The following RBM19 variants were observed in gnomAD, a reference collection of about 807,000 sequenced individuals.
The protein encoded by RBM19 is probable RNA-binding protein 19.
In RBM19, 94 loss-of-function variants were observed where a neutral mutation model predicts 116.8. The observed-to-expected ratio is 0.80, with a 90% CI of 0.68 to 0.95. The LOEUF (loss-of-function observed/expected upper bound fraction) is 0.95, where lower values mean the gene tolerates loss of function less well. RBM19 is among the 40% of genes least tolerant of loss of function. The pLI, the probability that RBM19 is intolerant of heterozygous loss-of-function variation, is 0.00. For synonymous variants in RBM19, 475 were observed against 494.1 expected, an observed-to-expected ratio of 0.96 and a Z score of 0.51; for missense variants, 1,161 against 1,220.7, an observed-to-expected ratio of 0.95 and a Z score of 0.73.
chr12:113,907,846 G>A (rs1261151167), intron 21 of RBM19, among the ~76,000 whole-genome samples: 1 of 152,198 alleles, frequency 6.6e-6, no homozygotes, highest in Non-Finnish European at 1.5e-5. Context: ...AAGGTAGGAT[G>A]AGGTCATATG....
intron 21 of RBM19, among the ~76,000 whole-genome samples, chr12:113,872,083 C>A (rs1166491032): frequency 6.9e-6 from 1 of 145,600 alleles, no homozygotes; most frequent in Non-Finnish European, 1.5e-5. Context: ...AAGTGAGGAG[C>A]GCCTCTTCCC....
intron 23 of RBM19, among the ~76,000 whole-genome samples, chr12:113,836,823 CAT>C (rs201139433): frequency 3.3e-4 from 46 of 139,072 alleles, no homozygotes; most frequent in African/African-American, 1.1e-3. Flanking sequence ...TTACTACATA[CAT>C]ACACACACAC....
chr12:113,958,599 C>A (rs1017589937), intron 5 of RBM19, among the ~76,000 whole-genome samples: 2 of 152,152 alleles, frequency 1.3e-5, no homozygotes, highest in Non-Finnish European at 2.9e-5. Flanking sequence ...CTGAGTTCCT[C>A]GGATGTGAAC....
chr12:113,836,749 G>C (rs543333545), intron 23 of RBM19, among the ~76,000 whole-genome samples: 1 of 152,108 alleles, frequency 6.6e-6, no homozygotes, highest in South Asian at 2.1e-4. Flanking sequence ...GGTGGCATCT[G>C]TGGCCAGATA....
intron 23 of RBM19, among the ~76,000 whole-genome samples, chr12:113,836,179 C>T (rs375171317): frequency 2.0e-4 from 31 of 152,190 alleles, no homozygotes; most frequent in South Asian, 4.1e-4. Context: ...GGGGCTGCTG[C>T]GCTGGAGATG....
intron 21 of RBM19, among the ~76,000 whole-genome samples, chr12:113,885,181 T>A (rs959920159): frequency 6.6e-6 from 1 of 152,204 alleles, no homozygotes; most frequent in African/African-American, 2.4e-5. Flanking sequence ...GGACAAATAG[T>A]AAGTTAGTGG....
At chr12:113,846,606 C>A (rs1424954033) in intron 22 of RBM19, among the ~76,000 whole-genome samples, 1 of 152,174 alleles carries the variant, frequency 6.6e-6, no homozygotes, top group East Asian at 1.9e-4. Flanking sequence ...CAACTGTCCC[C>A]AGCAGCCAGG....
chr12:113,962,081 G>T, intron 2 of RBM19, 151 bp downstream of exon 2: 2 of 934,662 alleles, frequency 2.1e-6, no homozygotes, highest in Non-Finnish European at 1.6e-6. Context: ...CAGGTGATTT[G>T]TATGCACATG....
At chr12:113,878,894 CTATG>C (rs1879875128) in intron 21 of RBM19, among the ~76,000 whole-genome samples, 1 of 150,054 alleles carries the variant, frequency 6.7e-6, no homozygotes, top group South Asian at 2.1e-4. Flanking sequence ...ACGTATGTGT[CTATG>C]TATGTGTATC....
intron 21 of RBM19, among the ~76,000 whole-genome samples, chr12:113,859,396 C>T (rs911158939): frequency 1.4e-4 from 21 of 152,214 alleles, no homozygotes; most frequent in Admixed American, 1.4e-3. Flanking sequence ...TGGGATGGGG[C>T]CCTTTCTCCT....
At chr12:113,955,107 C>A (rs751256820) in intron 7 of RBM19, 24 bp downstream of exon 7, 4 of 1,612,452 alleles carry the variant, frequency 2.5e-6, no homozygotes, top group East Asian at 4.5e-5. Context: ...AGGCTGCCGA[C>A]CCTTGTCCTC....
intron 16 of RBM19, among the ~76,000 whole-genome samples, chr12:113,935,443 T>C (rs768835910): frequency 1.3e-5 from 2 of 151,978 alleles, no homozygotes; most frequent in Non-Finnish European, 2.9e-5. Context: ...CAGGCACAGG[T>C]TTTGAAGGAG....
chr12:113,941,071 A>T (rs1383240716), intron 14 of RBM19, among the ~76,000 whole-genome samples: 1 of 152,248 alleles, frequency 6.6e-6, no homozygotes, highest in Non-Finnish European at 1.5e-5. Flanking sequence ...CTATCTGGGA[A>T]TAAGTCTTAG....
intron 14 of RBM19, 110 bp from the exon 15 acceptor site, chr12:113,940,270 C>T: frequency 4.3e-6 from 5 of 1,160,850 alleles, no homozygotes; most frequent in Admixed American, 2.2e-5. Context: ...TTTGGAACCT[C>T]AGCAACCAGG....
chr12:113,854,041 G>A (rs1218678739), intron 22 of RBM19, among the ~76,000 whole-genome samples: 1 of 152,108 alleles, frequency 6.6e-6, no homozygotes, highest in African/African-American at 2.4e-5. Flanking sequence ...GAATTTAAGT[G>A]AATCAGTGAA....
rs1196056115 is a variant in RBM19, at chr12:113,948,929, C to T, written c.1180G>A (p.Glu394Lys). 2 of 1,614,118 alleles carry T rather than the reference C, an allele frequency of 1.2e-6. No individual in the cohort carries two copies. The highest frequency in any genetic ancestry group is 2.7e-5 in the African/African-American group (2 of 74,948). The change falls in exon 10 of 24, where the codon GAG (glutamate) becomes AAG (lysine). Residue 394 changes from glutamate (E) to lysine (K), a missense_variant. Physicochemically the swap from Glu to Lys is moderately conservative, Grantham distance 56. Transcript: ENST00000261741. ...CCGGATTCGGCCAGGTCCTCCTCCTCTTCGTTCTCCCCGAGTATCCGGCCT... is the reference window on the plus strand; with the variant it reads ...CCGGATTCGGCCAGGTCCTCCTCCTTTTCGTTCTCCCCGAGTATCCGGCCT... ...WQGRILGENE[E>K]EEDLAESGRL...
At chr12:113,941,600 TCCATCCATCCAA>T (rs1338165386) in intron 14 of RBM19, among the ~76,000 whole-genome samples, 1 of 139,182 alleles carries the variant, frequency 7.2e-6, no homozygotes. Context: ...CATCCATCCA[TCCATCCATCCAA>T]CCATCAAGCC....
In RBM19 at chr12:113,942,358, A is replaced by G. The variant is rs753576319; in HGVS notation, c.1703T>C (p.Ile568Thr). The change falls in exon 14 of 24, where the codon ATA (isoleucine) becomes ACA (threonine). Residue 568 changes from isoleucine (I) to threonine (T), a missense_variant. Physicochemically the swap from Ile to Thr is moderately conservative, Grantham distance 89. Transcript: ENST00000261741. The part of the protein sequence containing the change: ...QLVQEVRRFL[I>T]DNGVSLDSFS... ...GGAATCCAGGCTGACCCCGTTGTCT[A>G]TGAGAAAACGCCGCACTTCCTGGAC... 4 of 1,607,942 alleles carry G rather than the reference A, an allele frequency of 2.5e-6. No individual in the cohort carries two copies. The highest frequency in any genetic ancestry group is 3.4e-6 in the Non-Finnish European group (4 of 1,179,808).
chr12:113,830,733 A>G (rs955735471), intron 23 of RBM19, among the ~76,000 whole-genome samples: 1 of 152,146 alleles, frequency 6.6e-6, no homozygotes, highest in African/African-American at 2.4e-5. Flanking sequence ...AAGAACCAGG[A>G]AAGGTGGGAA....
Sources: allele counts gnomAD v4.1 joint callset (sites outside exome capture counted in the v4.1 genomes callset), GRCh38; gene constraint gnomAD v4.1.1; transcripts MANE v1.5; gene names NCBI Gene and HGNC (gene_info 2026-07-23, HGNC 2026-07-21).